COL21A1: variants seen among roughly 807,000 people sequenced by gnomAD.
The protein encoded by COL21A1 is collagen alpha-1(XXI) chain.
In COL21A1, 149 loss-of-function variants were observed where a neutral mutation model predicts 137.9. The ratio of observed to expected loss-of-function variants is 1.08; its 90% CI spans 0.95 to 1.24. The LOEUF (loss-of-function observed/expected upper bound fraction) is 1.24. Among genes scored for constraint, COL21A1 ranks in the 50% most tolerant of loss-of-function variants. The pLI, the probability that COL21A1 is intolerant of heterozygous loss-of-function variation, is 0.00. For missense variants in COL21A1, 1,167 were observed against 1,158.4 expected (o/e 1.01, Z -0.11); for synonymous variants, 456 against 391.5 (o/e 1.16, Z -1.95).
At chr6:56,171,386 T>TAAA in intron 3 of COL21A1, among the ~76,000 whole-genome samples, 1 of 151,946 alleles carries the variant, frequency 6.6e-6, no homozygotes, top group South Asian at 2.1e-4. Context: ...AACAAAAATA[T>TAAA]AAATATTTGT....
At chr6:56,267,466 G>A (rs1029287047) in intron 1 of COL21A1, among the ~76,000 whole-genome samples, 2 of 152,134 alleles carry the variant, frequency 1.3e-5, no homozygotes, top group African/African-American at 4.8e-5. Flanking sequence ...GTTTAGAAGA[G>A]AGCCTCCTGG....
chr6:56,270,422 T>C (rs1763499228), intron 1 of COL21A1, among the ~76,000 whole-genome samples: 1 of 152,198 alleles, frequency 6.6e-6, no homozygotes, highest in Admixed American at 6.5e-5. Context: ...ACAAAACAAG[T>C]TCCTCTTGAC....
chr6:56,237,133 C>T (rs936674124), intron 1 of COL21A1, among the ~76,000 whole-genome samples: 39 of 66,710 alleles, frequency 5.8e-4, no homozygotes, highest in Non-Finnish European at 9.1e-4. Context: ...AAGAAAAATT[C>T]GAAAGGAAAA....
At chr6:56,307,748 AC>A (rs1764506164) in intron 1 of COL21A1, among the ~76,000 whole-genome samples, 1 of 151,574 alleles carries the variant, frequency 6.6e-6, no homozygotes, top group Admixed American at 6.6e-5. Flanking sequence ...GCTTTCCGAC[AC>A]TCCCCAGTGA....
chr6:56,313,175 G>A (rs928575046), intron 1 of COL21A1, among the ~76,000 whole-genome samples: 10 of 152,066 alleles, frequency 6.6e-5, no homozygotes, highest in Admixed American at 4.6e-4. Context: ...AGGGTATCTG[G>A]AGATTCTAGT....
intron 1 of COL21A1, among the ~76,000 whole-genome samples, chr6:56,220,061 T>C (rs1011328919): frequency 1.3e-5 from 2 of 152,176 alleles, no homozygotes; most frequent in South Asian, 2.1e-4. Flanking sequence ...TATTGGTATA[T>C]AATGCATTGA....
intron 1 of COL21A1, among the ~76,000 whole-genome samples, chr6:56,240,763 T>C (rs1229796759): frequency 6.6e-6 from 1 of 152,216 alleles, no homozygotes; most frequent in Admixed American, 6.5e-5. Flanking sequence ...AGTAAGTTGG[T>C]GGCAGGCTGG....
chr6:56,378,452 T>C (rs1054773420), intron 1 of COL21A1, among the ~76,000 whole-genome samples: 1 of 152,168 alleles, frequency 6.6e-6, no homozygotes, highest in Non-Finnish European at 1.5e-5. Flanking sequence ...GTACTCCCTG[T>C]GGGCCTGCCG....
intron 1 of COL21A1, among the ~76,000 whole-genome samples, chr6:56,209,899 G>T (rs985704428): frequency 6.6e-6 from 1 of 152,288 alleles, no homozygotes; most frequent in Middle Eastern, 3.4e-3. Context: ...ATGATAGACT[G>T]GATTAAGAAA....
At chr6:56,179,427 T>C in intron 3 of COL21A1, 151 bp downstream of exon 3, 1 of 643,504 alleles carries the variant, frequency 1.6e-6, no homozygotes, top group Non-Finnish European at 2.5e-6. Context: ...ACAGTATAAA[T>C]ATAACATTTA....
At chr6:56,259,027 C>G (rs1763186519) in intron 1 of COL21A1, among the ~76,000 whole-genome samples, 1 of 152,068 alleles carries the variant, frequency 6.6e-6, no homozygotes, top group Non-Finnish European at 1.5e-5. Flanking sequence ...TCCTTGTATC[C>G]CAAACTTATT....
intron 1 of COL21A1, among the ~76,000 whole-genome samples, chr6:56,389,183 G>A (rs867577147): frequency 2.0e-5 from 3 of 152,102 alleles, no homozygotes; most frequent in South Asian, 4.1e-4. Context: ...CCAATATGGC[G>A]AAACCCCATC....
intron 1 of COL21A1, among the ~76,000 whole-genome samples, chr6:56,312,330 GTTTGTGA>G (rs2152339710): frequency 6.6e-6 from 1 of 152,346 alleles, no homozygotes; most frequent in Non-Finnish European, 1.5e-5. Context: ...GAGGGATGCA[GTTTGTGA>G]TTACTTAGGT....
intron 1 of COL21A1, among the ~76,000 whole-genome samples, chr6:56,373,149 G>A (rs1181553457): frequency 6.6e-6 from 1 of 152,174 alleles, no homozygotes; most frequent in African/African-American, 2.4e-5. Context: ...AGAGCTTAGG[G>A]CTCAGCCATG....
At chr6:56,063,474 T>C (rs1339167737) in intron 24 of COL21A1, among the ~76,000 whole-genome samples, 1 of 152,018 alleles carries the variant, frequency 6.6e-6, no homozygotes, top group Non-Finnish European at 1.5e-5. Flanking sequence ...GATGGAGTTG[T>C]TTGTGTCATC....
intron 1 of COL21A1, among the ~76,000 whole-genome samples, chr6:56,271,438 T>C (rs1763523196): frequency 6.6e-6 from 1 of 152,198 alleles, no homozygotes. Context: ...TTCAGTTATA[T>C]GCATTCACAA....
intron 1 of COL21A1, among the ~76,000 whole-genome samples, chr6:56,338,109 T>C (rs563796278): frequency 1.3e-5 from 2 of 151,948 alleles, no homozygotes; most frequent in African/African-American, 4.8e-5. Context: ...ACTACAGGTG[T>C]GTGCCACCAT....
chr6:56,385,177 T>C (rs190812969), intron 1 of COL21A1, among the ~76,000 whole-genome samples: 186 of 152,334 alleles, frequency 1.2e-3, no homozygotes, highest in African/African-American at 4.0e-3. Flanking sequence ...TATTGTCTTT[T>C]AGTAGCAATG....
intron 1 of COL21A1, among the ~76,000 whole-genome samples, chr6:56,230,084 G>A (rs555147907): frequency 1.3e-5 from 2 of 151,890 alleles, no homozygotes; most frequent in Admixed American, 6.6e-5. Flanking sequence ...TACATATTTC[G>A]AATAAATACA....
Sources: allele counts gnomAD v4.1 joint callset (sites outside exome capture counted in the v4.1 genomes callset), GRCh38; gene constraint gnomAD v4.1.1; transcripts MANE v1.5; gene names NCBI Gene and HGNC (gene_info 2026-07-23, HGNC 2026-07-21).